FBLN1: variants seen among roughly 807,000 people sequenced by gnomAD.
FBLN1 encodes the protein fibulin 1.
Under a neutral mutation model 89.7 loss-of-function variants are expected in FBLN1, and 34 were observed. That is an observed-to-expected ratio of 0.38 (90% CI 0.29 to 0.50). The LOEUF (loss-of-function observed/expected upper bound fraction) is 0.50. Ranked by LOEUF, FBLN1 falls within the 20% of genes least tolerant of loss-of-function variation. The pLI is 0.92. For missense variants in FBLN1, 777 were observed against 988.1 expected (o/e 0.79, Z 2.86); for synonymous variants, 393 against 391.3 (o/e 1.00, Z -0.05).
chr22:45,515,961 C>T (rs564698873), intron 1 of FBLN1, among the ~76,000 whole-genome samples: 5 of 152,240 alleles, frequency 3.3e-5, no homozygotes, highest in South Asian at 2.1e-4. Context: ...GCATGGATGT[C>T]GGGGGTATAC....
In FBLN1 at chr22:45,531,565, G is replaced by A. The variant is rs181135591; in HGVS notation, c.544+241G>A. Among the ~76,000 whole-genome samples the A allele has an allele frequency of 1.3e-5, 2 of 152,316 alleles. No individual in the cohort carries two copies. The highest frequency in any genetic ancestry group is 4.8e-5 in the African/African-American group (2 of 41,574). ...ACAAAAAGCAAAACCAAGGAATCTC[G>A]GTGCTGATCTCACTGGAAGTTGGAA... On this transcript the variant is annotated intron_variant, in intron 5 of 16. Transcript: ENST00000327858. This position sits in a 1 kb window ranked among gnomAD's most constrained non-coding sequence, Gnocchi z 4.9.
At chr22:45,558,081 G>T in intron 14 of FBLN1, 1 of 716,998 alleles carries the variant, frequency 1.4e-6, no homozygotes, top group South Asian at 1.5e-5. Flanking sequence ...ATGATCGTAG[G>T]GAACTCTGCA....
intron 1 of FBLN1, among the ~76,000 whole-genome samples, chr22:45,506,723 C>T (rs1454465058): frequency 6.6e-6 from 1 of 152,162 alleles, no homozygotes; most frequent in Non-Finnish European, 1.5e-5. Flanking sequence ...CTTCCAGTTC[C>T]TTCCAGTTCC....
In FBLN1 at chr22:45,574,682, G is replaced by A. The variant is rs1329797629; in HGVS notation, c.1840+29G>A. ...AGTGGGATGGGTGTGGGGGTCCCAG[G>A]GCCCCCTAGGGCCTCCCTCGGCTTC... On this transcript the variant is annotated intron_variant, in intron 15 of 16. Transcript: ENST00000327858. This position sits in a 1 kb window ranked among gnomAD's most constrained non-coding sequence, Gnocchi z 4.1. 27 of 1,604,700 alleles carry A rather than the reference G, an allele frequency of 1.7e-5. No homozygotes were observed. The highest frequency in any genetic ancestry group is 2.2e-5 in the Non-Finnish European group (26 of 1,175,828).
Position 45,550,809 on chromosome 22 carries a change from G to A in FBLN1, c.1697+194G>A, listed in dbSNP as rs959438605. On this transcript the variant is annotated intron_variant, in intron 14 of 16. Transcript: ENST00000327858. The surrounding 1 kb of genome is among the most constrained non-coding windows in gnomAD (Gnocchi z 8.4). The stretch of plus-strand genomic sequence containing the variant: ...ACACTGGTCTCGGAAAGTCAAGGGG[G>A]TAACTGCAAATGAGTCTGGGGTCTA... The A allele has an allele frequency of 2.9e-5, 22 of 750,812 alleles. No homozygotes were observed. Among genetic ancestry groups the A allele is most frequent in the Admixed American group, 2.1e-4 (10 of 48,318 alleles). The allele number at this position is 750,812 out of a possible 1,614,324, so 46.5% of individuals were successfully genotyped here.
chr22:45,533,398 GTCTAACCAGGT>G (rs901375637), intron 6 of FBLN1, among the ~76,000 whole-genome samples: 22 of 152,200 alleles, frequency 1.4e-4, no homozygotes, highest in Non-Finnish European at 1.5e-4. Flanking sequence ...TGGAGTTGGG[GTCTAACCAGGT>G]TCCGGATCCA....
chr22:45,509,110 G>T (rs1018004875), intron 1 of FBLN1, among the ~76,000 whole-genome samples: 1 of 152,236 alleles, frequency 6.6e-6, no homozygotes, highest in South Asian at 2.1e-4. Context: ...TGAAGCTCCA[G>T]GTTCCAAATG....
At chr22:45,520,043 G>A (rs1048135736) in intron 2 of FBLN1, among the ~76,000 whole-genome samples, 28 of 152,094 alleles carry the variant, frequency 1.8e-4, no homozygotes, top group Admixed American at 2.0e-4. Flanking sequence ...GGTGGCGGGC[G>A]TCTGTAATCC....
At chr22:45,523,919 G>A (rs962075690) in intron 2 of FBLN1, among the ~76,000 whole-genome samples, 2 of 152,206 alleles carry the variant, frequency 1.3e-5, no homozygotes, top group Non-Finnish European at 2.9e-5. Context: ...ACGGGTTCCA[G>A]CATCTCCACA....
chr22:45,596,986 TATA>T (rs924229223), intron 16 of FBLN1, among the ~76,000 whole-genome samples: 6 of 151,062 alleles, frequency 4.0e-5, no homozygotes, highest in African/African-American at 1.2e-4. Context: ...TATACAGAAA[TATA>T]ATAATAACAG....
At chr22:45,554,093 G>A (rs2088743711) in intron 14 of FBLN1, among the ~76,000 whole-genome samples, 1 of 152,266 alleles carries the variant, frequency 6.6e-6, no homozygotes, top group South Asian at 2.1e-4. Flanking sequence ...ACACCACGGA[G>A]CTATCAGCAA....
chr22:45,584,267 T>C (rs1247806898), intron 16 of FBLN1, among the ~76,000 whole-genome samples: 2 of 152,172 alleles, frequency 1.3e-5, no homozygotes, highest in African/African-American at 4.8e-5. Flanking sequence ...TGCTGAGTCG[T>C]GGGAGCCTCT....
intron 2 of FBLN1, 100 bp downstream of exon 2, chr22:45,518,887 G>A (rs893894595): frequency 2.8e-6 from 3 of 1,084,200 alleles, no homozygotes; most frequent in Admixed American, 2.0e-5. Context: ...GGGAGAGGCT[G>A]GACACCCAGG....
At position 45,575,446 on chromosome 22, in the gene FBLN1, A is replaced by G. The variant is rs999924729; in HGVS notation, c.1840+793A>G. Among the ~76,000 whole-genome samples, 4 of 152,072 alleles carry G rather than the reference A, an allele frequency of 2.6e-5. No individual in the cohort carries two copies. Among genetic ancestry groups the G allele is most frequent in the African/African-American group, 4.8e-5 (2 of 41,402 alleles). ...GCTGGAGCGCTAGAGGCTTGGCAAG[A>G]GGTGGGCTGGAAGGATAAACAGGAG... On this transcript the variant is annotated intron_variant, in intron 15 of 16. Transcript: ENST00000327858. This position sits in a 1 kb window ranked among gnomAD's most constrained non-coding sequence, Gnocchi z 6.3.
rs1417037673 is a variant in FBLN1 at position 45,562,245 on chromosome 22, A to G, written c.1697+11630A>G. On this transcript the variant is annotated intron_variant, in intron 14 of 16. Transcript: ENST00000327858. The surrounding 1 kb of genome is among the most constrained non-coding windows in gnomAD (Gnocchi z 7.8). Reference sequence around the variant, plus strand: ...CTGGCCCTGTGGACCCAGATGGGTTACTGAGCTTGGAACACGAGGGCTTAG... The same window carrying G: ...CTGGCCCTGTGGACCCAGATGGGTTGCTGAGCTTGGAACACGAGGGCTTAG... Among the ~76,000 whole-genome samples the G allele has an allele frequency of 2.0e-5, 3 of 152,170 alleles. No homozygotes were observed. The highest frequency in any genetic ancestry group is 7.2e-5 in the African/African-American group (3 of 41,442).
Position 45,581,651 on chromosome 22 carries a change from A to G in FBLN1, c.1972+4543A>G, listed in dbSNP as rs2089042960. 6.6e-6 allele frequency among the ~76,000 whole-genome samples: 1 copy of G among 151,530 alleles called. No individual in the cohort carries two copies. Among genetic ancestry groups the G allele is most frequent in the Non-Finnish European group, 1.5e-5 (1 of 67,914 alleles). On this transcript the variant is annotated intron_variant, in intron 16 of 16. Transcript: ENST00000327858. This position sits in a 1 kb window ranked among gnomAD's most constrained non-coding sequence, Gnocchi z 7.6. ...CAGGGAGCTACGGAGTTGTCTTTGT[A>G]GTTTTTTGCAGGCCAGCCCCTCCTG... is the stretch of plus-strand genomic sequence containing the variant.
intron 11 of FBLN1, among the ~76,000 whole-genome samples, chr22:45,546,614 A>G (rs1333304075): frequency 6.6e-6 from 1 of 152,238 alleles, no homozygotes; most frequent in Non-Finnish European, 1.5e-5. Context: ...TAAAGGGGAC[A>G]GTTGAGCAGT....
chr22:45,551,632 C>T (rs2146996400), intron 14 of FBLN1, among the ~76,000 whole-genome samples: 1 of 152,370 alleles, frequency 6.6e-6, no homozygotes, highest in East Asian at 1.9e-4. Flanking sequence ...GAAAACCCAA[C>T]ATCTTGTTTC....
At position 45,574,968 on chromosome 22, in the gene FBLN1, A is replaced by G. The variant is rs1040285864; in HGVS notation, c.1840+315A>G. ...GGCTAATCTTTTTGTATTTTTAGTA[A>G]AGACGGGGTTTCACCGTGTTCGCCA... On this transcript the variant is annotated intron_variant, in intron 15 of 16. Transcript: ENST00000327858. This position sits in a 1 kb window ranked among gnomAD's most constrained non-coding sequence, Gnocchi z 4.1. Among the ~76,000 whole-genome samples, 1 of 151,178 alleles carries G rather than the reference A, an allele frequency of 6.6e-6. No individual in the cohort carries two copies. The highest frequency in any genetic ancestry group is 1.5e-5 in the Non-Finnish European group (1 of 67,760).
Sources: allele counts gnomAD v4.1 joint callset (sites outside exome capture counted in the v4.1 genomes callset), GRCh38; gene constraint gnomAD v4.1.1; non-coding constraint Gnocchi (gnomAD v3.1); transcripts MANE v1.5; gene names NCBI Gene and HGNC (gene_info 2026-07-23, HGNC 2026-07-21).